Variants in PRELID2 observed in about 807,000 individuals in gnomAD.
The protein encoded by PRELID2 is PRELI domain-containing protein 2.
PRELID2 carries 25 observed loss-of-function variants against 28.4 expected under a neutral mutation model. That is an observed-to-expected ratio of 0.88 (90% CI 0.64 to 1.23). The LOEUF is 1.23. Among genes scored for constraint, PRELID2 ranks in the 50% most tolerant of loss-of-function variants. The pLI is 0.00. For synonymous variants in PRELID2, 76 were observed against 71.6 expected (o/e 1.06, Z -0.31); for missense variants, 201 against 214.4 (o/e 0.94, Z 0.39).
At chr5:145,363,072 A>C in the PRELID2 span, among the ~76,000 whole-genome samples, 3 of 151,364 alleles carry the variant, frequency 2.0e-5, no homozygotes, top group Non-Finnish European at 4.4e-5. Context: ...AAAAAAAAAA[A>C]CAAGGCCTGC....
intron 1 of PRELID2, among the ~76,000 whole-genome samples, chr5:145,575,144 G>T (rs1384638819): frequency 6.6e-6 from 1 of 152,076 alleles, no homozygotes; most frequent in Non-Finnish European, 1.5e-5. Context: ...ATTAGGCCTG[G>T]CTCAGGGCAA....
At chr5:145,293,663 TTAA>T in the PRELID2 span, among the ~76,000 whole-genome samples, 1 of 152,168 alleles carries the variant, frequency 6.6e-6, no homozygotes, top group Non-Finnish European at 1.5e-5. Context: ...AAAGGATGGT[TTAA>T]TGTTATTAAT....
At chr5:145,697,664 T>C (rs1386680274) in intron 1 of PRELID2, among the ~76,000 whole-genome samples, 1 of 152,182 alleles carries the variant, frequency 6.6e-6, no homozygotes, top group Non-Finnish European at 1.5e-5. Context: ...CTACTCTTTA[T>C]CATCATCTTA....
chr5:145,737,976 T>C (rs1756545933), intron 1 of PRELID2, among the ~76,000 whole-genome samples: 3 of 152,030 alleles, frequency 2.0e-5, no homozygotes, highest in Admixed American at 2.0e-4. Flanking sequence ...TAGTGAAGAG[T>C]TAAGACTTTC....
At chr5:145,232,672 G>T in the PRELID2 span, among the ~76,000 whole-genome samples, 3 of 151,520 alleles carry the variant, frequency 2.0e-5, no homozygotes, top group Non-Finnish European at 4.4e-5. Flanking sequence ...TTCCCTCCTG[G>T]GTAAATAGAA....
chr5:145,395,888 C>G, the PRELID2 span, among the ~76,000 whole-genome samples: 33 of 152,100 alleles, frequency 2.2e-4, no homozygotes, highest in African/African-American at 7.7e-4. Context: ...CACTAAGTTA[C>G]CTTCTGGTGC....
At chr5:145,695,296 G>T (rs1217791950) in intron 1 of PRELID2, among the ~76,000 whole-genome samples, 1 of 152,184 alleles carries the variant, frequency 6.6e-6, no homozygotes, top group Non-Finnish European at 1.5e-5. Context: ...AGCTGCTTAA[G>T]TACAGCAAAG....
At chr5:145,720,109 A>G (rs763302407) in intron 1 of PRELID2, among the ~76,000 whole-genome samples, 1 of 151,942 alleles carries the variant, frequency 6.6e-6, no homozygotes, top group African/African-American at 2.4e-5. Context: ...TAAATGAAGG[A>G]CAAGCAAAGA....
intron 5 of PRELID2, among the ~76,000 whole-genome samples, chr5:145,778,474 A>G (rs1758558031): frequency 6.6e-6 from 1 of 152,152 alleles, no homozygotes; most frequent in African/African-American, 2.4e-5. Context: ...TGTCTTACTC[A>G]TCCTCCATTT....
intron 1 of PRELID2, among the ~76,000 whole-genome samples, chr5:145,557,011 C>A (rs574254107): frequency 6.6e-6 from 1 of 152,206 alleles, no homozygotes; most frequent in East Asian, 1.9e-4. Flanking sequence ...TAGCACTTAC[C>A]ACGATTGCAA....
chr5:145,680,919 G>A (rs1251720773), intron 1 of PRELID2, among the ~76,000 whole-genome samples: 1 of 152,224 alleles, frequency 6.6e-6, no homozygotes, highest in Admixed American at 6.5e-5. Flanking sequence ...AGAAGGCCCT[G>A]TGCTGTTTTT....
At chr5:145,795,002 G>A (rs1288729581) in intron 5 of PRELID2, 1 of 151,936 alleles carries the variant, frequency 6.6e-6, no homozygotes, top group Non-Finnish European at 1.5e-5. Flanking sequence ...CACGAATTTT[G>A]AACGCTGCTT....
intron 5 of PRELID2, among the ~76,000 whole-genome samples, chr5:145,790,742 T>TATA (rs1752326243): frequency 6.8e-6 from 1 of 146,942 alleles, no homozygotes; most frequent in Non-Finnish European, 1.5e-5. Flanking sequence ...TATATATATA[T>TATA]ATATCAAAAT....
chr5:145,719,403 C>T (rs2149716019), intron 1 of PRELID2, among the ~76,000 whole-genome samples: 1 of 151,448 alleles, frequency 6.6e-6, no homozygotes, highest in South Asian at 2.1e-4. Flanking sequence ...ACTTCGGAGT[C>T]TTGATGGTGA....
chr5:145,374,189 A>G, the PRELID2 span, among the ~76,000 whole-genome samples: 1 of 151,868 alleles, frequency 6.6e-6, no homozygotes, highest in East Asian at 1.9e-4. Flanking sequence ...TGGTAACAAA[A>G]TCCCTCAGCA....
intron 1 of PRELID2, among the ~76,000 whole-genome samples, chr5:145,629,979 G>A (rs1360747179): frequency 2.0e-5 from 3 of 152,114 alleles, no homozygotes; most frequent in Non-Finnish European, 4.4e-5. Context: ...AGGAAAACAA[G>A]GCATTTAAGC....
chr5:145,597,184 T>G (rs1347374297), intron 1 of PRELID2, among the ~76,000 whole-genome samples: 1 of 152,252 alleles, frequency 6.6e-6, no homozygotes, highest in East Asian at 1.9e-4. Context: ...ACTATTTCCT[T>G]AATTATAAGG....
At chr5:145,663,170 T>C (rs1754526877) in intron 1 of PRELID2, among the ~76,000 whole-genome samples, 1 of 152,104 alleles carries the variant, frequency 6.6e-6, no homozygotes, top group Non-Finnish European at 1.5e-5. Flanking sequence ...AAGAGTTACC[T>C]TCTAGCTAGA....
chr5:145,372,461 T>C, the PRELID2 span, among the ~76,000 whole-genome samples: 1 of 152,030 alleles, frequency 6.6e-6, no homozygotes, highest in Non-Finnish European at 1.5e-5. Context: ...AAATCTCCCA[T>C]TATTTTTGTG....
Sources: allele counts gnomAD v4.1 joint callset (sites outside exome capture counted in the v4.1 genomes callset), GRCh38; gene constraint gnomAD v4.1.1; transcripts MANE v1.5; gene names NCBI Gene and HGNC (gene_info 2026-07-23, HGNC 2026-07-21).